GUCY1A2: variants seen among roughly 807,000 people sequenced by gnomAD.
The protein encoded by GUCY1A2 is guanylate cyclase 1 soluble subunit alpha 2.
Under a neutral mutation model 63.5 loss-of-function variants are expected in GUCY1A2, and 27 were observed. The observed-to-expected ratio is 0.43, with a 90% CI of 0.31 to 0.59. GUCY1A2 has a LOEUF of 0.59. GUCY1A2 is among the 20% of genes least tolerant of loss of function. GUCY1A2 has a pLI of 0.11. For missense variants in GUCY1A2, 768 were observed against 913.3 expected (o/e 0.84, Z 2.05); for synonymous variants, 364 against 343.5 (o/e 1.06, Z -0.66).
intron 4 of GUCY1A2, among the ~76,000 whole-genome samples, chr11:106,857,041 C>T (rs905274446): frequency 1.3e-5 from 2 of 152,222 alleles, no homozygotes; most frequent in Non-Finnish European, 2.9e-5. Context: ...TACATATCTA[C>T]TTCTATGTCC....
At chr11:106,819,371 C>T (rs532308930) in intron 4 of GUCY1A2, among the ~76,000 whole-genome samples, 1 of 152,108 alleles carries the variant, frequency 6.6e-6, no homozygotes, top group Admixed American at 6.6e-5. Flanking sequence ...AACAGCATTG[C>T]AAGCTATAAG....
intron 6 of GUCY1A2, among the ~76,000 whole-genome samples, chr11:106,752,756 T>C (rs879479023): frequency 6.6e-5 from 10 of 152,202 alleles, no homozygotes; most frequent in Admixed American, 6.5e-4. Flanking sequence ...ATGCAGTCTA[T>C]TACTGATGGA....
chr11:106,716,207 G>A (rs1863210395), intron 6 of GUCY1A2, among the ~76,000 whole-genome samples: 1 of 152,156 alleles, frequency 6.6e-6, no homozygotes, highest in Non-Finnish European at 1.5e-5. Context: ...AGTTTGTAAG[G>A]CTGAGGGAAT....
Position 106,984,725 on chromosome 11 carries a change from A to G in GUCY1A2, c.365+1345T>C, listed in dbSNP as rs116697414. 1.4e-3 allele frequency among the ~76,000 whole-genome samples: 213 copies of G among 152,350 alleles called. 1 individual carries two copies. Among genetic ancestry groups the G allele is most frequent in the African/African-American group, 4.8e-3 (199 of 41,572 alleles). On this transcript the variant is annotated intron_variant, in intron 2 of 7. Transcript: ENST00000526355. ...CCACATACGAGGAACTATTTTAAGT[A>G]TACTAACTAATTTAATCCAAACACC...
chr11:106,816,167 TAAAAAAAAA>T (rs60263721), intron 4 of GUCY1A2, among the ~76,000 whole-genome samples: 2 of 92,016 alleles, frequency 2.2e-5, no homozygotes, highest in African/African-American at 4.4e-5. Context: ...ACTCTTTCTT[TAAAAAAAAA>T]AAAAAAAAAA....
intron 7 of GUCY1A2, among the ~76,000 whole-genome samples, chr11:106,694,237 A>G (rs1279119669): frequency 6.6e-6 from 1 of 152,206 alleles, no homozygotes; most frequent in Admixed American, 6.5e-5. Context: ...ATGAATGTAG[A>G]CTTTTATTTA....
chr11:106,786,727 TCCAGTTTC>T lies in GUCY1A2; in HGVS notation c.1693-10153_1693-10146del, dbSNP rs374502649. On this transcript the variant is annotated intron_variant, in intron 5 of 7. Coordinates refer to ENST00000526355, the MANE Select transcript of GUCY1A2 (RefSeq NM_000855.3). ...CCTGTAAGATCTTCAACACTAGGGC[TCCAGTTTC>T]CCAGGTTCATCCACCTCTACCACTG... Among the ~76,000 whole-genome samples the T allele has an allele frequency of 2.8e-3, 433 of 152,306 alleles. 4 individuals carry two copies. Among genetic ancestry groups the T allele is most frequent in the African/African-American group, 9.9e-3 (411 of 41,566 alleles).
intron 4 of GUCY1A2, chr11:106,824,720 T>C: frequency 7.8e-7 from 1 of 1,286,956 alleles, no homozygotes; most frequent in Non-Finnish European, 1.0e-6. Context: ...ACAGAAAGAA[T>C]ATTTTGAAAT....
At chr11:106,800,852 C>T (rs1037329519) in intron 5 of GUCY1A2, among the ~76,000 whole-genome samples, 2 of 151,200 alleles carry the variant, frequency 1.3e-5, no homozygotes, top group African/African-American at 2.4e-5. Flanking sequence ...CAAACCTGCA[C>T]GTTATGCACA....
intron 4 of GUCY1A2, among the ~76,000 whole-genome samples, chr11:106,834,076 T>C (rs1179523151): frequency 6.6e-6 from 1 of 152,012 alleles, no homozygotes; most frequent in Non-Finnish European, 1.5e-5. Flanking sequence ...GTGGCGAGAA[T>C]ATTTAAGATC....
At chr11:106,875,670 C>A (rs972979310) in intron 4 of GUCY1A2, among the ~76,000 whole-genome samples, 5 of 151,998 alleles carry the variant, frequency 3.3e-5, no homozygotes, top group African/African-American at 1.2e-4. Flanking sequence ...AAGTTCCAGC[C>A]ACAGGTTACA....
intron 5 of GUCY1A2, among the ~76,000 whole-genome samples, chr11:106,789,787 G>A (rs1864625760): frequency 6.6e-6 from 1 of 152,180 alleles, no homozygotes; most frequent in Admixed American, 6.5e-5. Context: ...TCTTGGATAA[G>A]ACCCAGAAGA....
intron 6 of GUCY1A2, among the ~76,000 whole-genome samples, chr11:106,733,529 T>C (rs559349208): frequency 3.9e-5 from 6 of 152,190 alleles, no homozygotes; most frequent in Non-Finnish European, 8.8e-5. Context: ...AAAGATCATA[T>C]ATAAAGTAAT....
intron 4 of GUCY1A2, among the ~76,000 whole-genome samples, chr11:106,892,334 T>C (rs1859985462): frequency 6.6e-6 from 1 of 152,140 alleles, no homozygotes; most frequent in South Asian, 2.1e-4. Context: ...TTCAGATCTT[T>C]CTCTCATATT....
chr11:106,713,047 C>T lies in GUCY1A2; in HGVS notation c.1837-4381G>A, dbSNP rs78076385. ...CTTGGTCTCCCAAGACTCTCAGCTC[C>T]ATCTCTTCAACTCAAGAAGTTTGTT... On this transcript the variant is annotated intron_variant, in intron 6 of 7. Coordinates refer to ENST00000526355, the MANE Select transcript of GUCY1A2 (RefSeq NM_000855.3). Among the ~76,000 whole-genome samples the T allele has an allele frequency of 7.8e-3, 1,193 of 152,268 alleles. 15 individuals are homozygous for T. Among genetic ancestry groups the T allele is most frequent in the African/African-American group, 0.027 (1,139 of 41,548 alleles).
intron 3 of GUCY1A2, 33 bp from the exon 4 acceptor site, chr11:106,940,211 G>T: frequency 2.1e-6 from 2 of 956,760 alleles, no homozygotes; most frequent in Non-Finnish European, 3.2e-6. Context: ...TGTTAGTGAA[G>T]TCTAATATAA....
chr11:106,951,339 C>T (rs906692594), intron 3 of GUCY1A2, among the ~76,000 whole-genome samples: 1 of 152,236 alleles, frequency 6.6e-6, no homozygotes, highest in African/African-American at 2.4e-5. Flanking sequence ...AATGGTTGAA[C>T]TAATTTACAT....
Position 106,978,669 on chromosome 11 carries a change from T to G in GUCY1A2, c.437A>C (p.Glu146Ala). Reference sequence around the variant, plus strand: ...AATTCCTGAGACATCTTCAATTTCTTCTTTGTTGGAGTGGTCTGCATAGGA... The same window carrying G: ...AATTCCTGAGACATCTTCAATTTCTGCTTTGTTGGAGTGGTCTGCATAGGA... ...RCSYADHSNK[E>A]EIEDVSGILQ... The change falls in exon 3 of 8, where the codon GAA (glutamate) becomes GCA (alanine). Residue 146 changes from glutamate to alanine, a missense_variant. Glu to Ala is a moderately radical substitution (Grantham distance 107, BLOSUM62 -1). Transcript: ENST00000526355. 6.4e-7 allele frequency: 1 copy of G among 1,571,770 alleles called. No individual in the cohort carries two copies. The highest frequency in any genetic ancestry group is 8.8e-7 in the Non-Finnish European group (1 of 1,141,650).
At chr11:106,688,750 A>G (rs544794085) in intron 7 of GUCY1A2, among the ~76,000 whole-genome samples, 2 of 152,336 alleles carry the variant, frequency 1.3e-5, no homozygotes, top group South Asian at 4.1e-4. Flanking sequence ...AAGTATTTGC[A>G]GTGGGAGGAC....
Sources: allele counts gnomAD v4.1 joint callset (sites outside exome capture counted in the v4.1 genomes callset), GRCh38; gene constraint gnomAD v4.1.1; transcripts MANE v1.5; gene names NCBI Gene and HGNC (gene_info 2026-07-23, HGNC 2026-07-21).